Variants in STXBP5L observed in about 807,000 individuals in gnomAD.
STXBP5L encodes the protein syntaxin-binding protein 5-like.
STXBP5L carries 65 observed loss-of-function variants against 144.5 expected under a neutral mutation model. That is an observed-to-expected ratio of 0.45 (90% confidence interval 0.37 to 0.55). STXBP5L has a LOEUF of 0.55. STXBP5L is among the 20% of genes least tolerant of loss of function. The pLI is 0.00. For synonymous variants in STXBP5L, 505 were observed against 469.6 expected (o/e 1.08, Z -0.97); for missense variants, 1,298 against 1,405.5 (o/e 0.92, Z 1.22).
intron 3 of STXBP5L, among the ~76,000 whole-genome samples, chr3:121,015,391 C>T (rs1341318067): frequency 6.6e-6 from 1 of 152,100 alleles, no homozygotes; most frequent in Non-Finnish European, 1.5e-5. Flanking sequence ...TATTAGAGAA[C>T]TGAGATTTCA....
chr3:121,158,586 C>A (rs540732854), intron 9 of STXBP5L: 43 of 152,250 alleles, frequency 2.8e-4, no homozygotes, highest in Admixed American at 2.7e-3. Context: ...TTAGAGATTA[C>A]TTTACATTTA....
chr3:121,095,114 C>G (rs765169042), intron 5 of STXBP5L, among the ~76,000 whole-genome samples: 12 of 152,164 alleles, frequency 7.9e-5, no homozygotes, highest in Non-Finnish European at 1.8e-4. Context: ...GAATATTGGC[C>G]CCCAGTGTCT....
At chr3:121,126,968 C>T (rs771748992) in intron 7 of STXBP5L, among the ~76,000 whole-genome samples, 21 of 152,036 alleles carry the variant, frequency 1.4e-4, no homozygotes, top group East Asian at 5.8e-4. Context: ...AACTGGGAAA[C>T]GTTCTTCACT....
intron 3 of STXBP5L, among the ~76,000 whole-genome samples, chr3:120,959,761 G>A (rs1052756258): frequency 3.3e-5 from 5 of 152,034 alleles, no homozygotes; most frequent in Admixed American, 6.6e-5. Context: ...AATTCAAGAT[G>A]GATTAAAGAA....
chr3:121,058,999 GC>G (rs1490940779), intron 5 of STXBP5L, among the ~76,000 whole-genome samples: 12 of 152,082 alleles, frequency 7.9e-5, no homozygotes, highest in African/African-American at 2.7e-4. Flanking sequence ...TGTCAATTTT[GC>G]CTTTTGTTTC....
intron 3 of STXBP5L, among the ~76,000 whole-genome samples, chr3:121,023,704 C>T (rs965853965): frequency 6.6e-6 from 1 of 152,180 alleles, no homozygotes; most frequent in African/African-American, 2.4e-5. Flanking sequence ...GGATTCTCTT[C>T]TCTCACTTTA....
intron 3 of STXBP5L, among the ~76,000 whole-genome samples, chr3:121,010,560 C>G (rs544447921): frequency 6.6e-6 from 1 of 151,662 alleles, no homozygotes; most frequent in East Asian, 2.0e-4. Context: ...GACCCTTGAA[C>G]AACACGGGGG....
In STXBP5L at chr3:121,093,256, G is replaced by A. The variant is rs377413817; in HGVS notation, c.471-21669G>A. On this transcript the variant is annotated intron_variant, in intron 5 of 26. Transcript: ENST00000471454. The stretch of plus-strand genomic sequence containing the variant: ...CTCTTTTTTGGTTTTGTCTCTGCCC[G>A]GCTTTGGTATCAGGATGATGCTGGC... Among the ~76,000 whole-genome samples, 13 of 152,230 alleles carry A rather than the reference G, an allele frequency of 8.5e-5. No homozygotes were observed. The East Asian group carries it at 1.4e-3, about 16-fold the overall frequency.
intron 22 of STXBP5L, among the ~76,000 whole-genome samples, chr3:121,381,825 A>AACTT (rs1446930132): frequency 1.3e-5 from 2 of 152,134 alleles, no homozygotes; most frequent in African/African-American, 4.8e-5. Flanking sequence ...CTTAATGCAA[A>AACTT]ACTTAAATTT....
At chr3:121,250,882 CT>C in intron 15 of STXBP5L, 119 bp downstream of exon 15, 1 of 775,798 alleles carries the variant, frequency 1.3e-6, no homozygotes, top group South Asian at 1.9e-5. Flanking sequence ...ACATATGTGG[CT>C]GTGTTACAAA....
intron 20 of STXBP5L, among the ~76,000 whole-genome samples, chr3:121,336,519 C>A (rs1175185417): frequency 1.3e-5 from 2 of 151,546 alleles, no homozygotes; most frequent in African/African-American, 4.8e-5. Context: ...ACCAACCAAC[C>A]AAACAAACAA....
intron 3 of STXBP5L, among the ~76,000 whole-genome samples, chr3:121,038,275 G>T (rs900251433): frequency 6.6e-6 from 1 of 151,816 alleles, no homozygotes; most frequent in Non-Finnish European, 1.5e-5. Flanking sequence ...GGTAATAAAA[G>T]CTCTAAATTT....
intron 3 of STXBP5L, among the ~76,000 whole-genome samples, chr3:121,027,404 T>C (rs936813509): frequency 7.2e-5 from 11 of 152,254 alleles, no homozygotes; most frequent in Admixed American, 7.2e-4. Context: ...CTTTGAATCT[T>C]ACAGTTTTGG....
intron 9 of STXBP5L, among the ~76,000 whole-genome samples, chr3:121,180,250 C>T (rs1340135283): frequency 1.3e-5 from 2 of 152,208 alleles, no homozygotes; most frequent in Non-Finnish European, 2.9e-5. Context: ...TCAGCAGAAA[C>T]TTTACAAGCC....
chr3:121,346,359 C>A (rs2044981490), intron 20 of STXBP5L, among the ~76,000 whole-genome samples: 1 of 152,060 alleles, frequency 6.6e-6, no homozygotes, highest in Non-Finnish European at 1.5e-5. Flanking sequence ...CACTGATGGG[C>A]ATTGGGGTTG....
intron 5 of STXBP5L, among the ~76,000 whole-genome samples, chr3:121,082,744 A>G (rs775518001): frequency 1.3e-5 from 2 of 152,198 alleles, no homozygotes; most frequent in Non-Finnish European, 2.9e-5. Flanking sequence ...TTTGTCAAAT[A>G]CTATTTCTGC....
intron 20 of STXBP5L, among the ~76,000 whole-genome samples, chr3:121,325,202 G>T (rs1295702511): frequency 6.6e-6 from 1 of 152,004 alleles, no homozygotes; most frequent in Non-Finnish European, 1.5e-5. Flanking sequence ...ATCGCAAAAT[G>T]ACTGTGGCCA....
rs2331537 is a variant in STXBP5L at position 121,080,455 on chromosome 3, G to A, written c.471-34470G>A. Among the ~76,000 whole-genome samples the A allele has an allele frequency of 5.9e-3, 900 of 152,144 alleles. 12 individuals are homozygous for A. Among genetic ancestry groups the A allele is most frequent in the Non-Finnish European group, 8.9e-3 (607 of 67,976 alleles). On this transcript the variant is annotated intron_variant, in intron 5 of 26. Transcript: ENST00000471454. ...TATGCTTTAAGGGGTTTCTATTTTG[G>A]TGAATATTGAGGTTTTGTTTCAAGA...
At chr3:120,909,524 G>A (rs1708715963) in intron 1 of STXBP5L, 47 bp from the exon 2 acceptor site, 4 of 1,532,420 alleles carry the variant, frequency 2.6e-6, no homozygotes, top group Non-Finnish European at 2.7e-6. Flanking sequence ...CTAATTGCAC[G>A]TGTTAAGTCA....
Sources: allele counts gnomAD v4.1 joint callset (sites outside exome capture counted in the v4.1 genomes callset), GRCh38; gene constraint gnomAD v4.1.1; transcripts MANE v1.5; gene names NCBI Gene and HGNC (gene_info 2026-07-23, HGNC 2026-07-21).